The following PIP4K2A variants were observed in gnomAD, a reference collection of about 807,000 sequenced individuals.
PIP4K2A encodes the protein phosphatidylinositol 5-phosphate 4-kinase type-2 alpha.
A neutral mutation model predicts 42.9 loss-of-function variants in PIP4K2A; 14 were observed. That is an observed-to-expected ratio of 0.33 (90% CI 0.22 to 0.51). PIP4K2A has a LOEUF of 0.51. PIP4K2A is among the 20% of genes least tolerant of loss of function. PIP4K2A has a pLI of 0.97. For synonymous variants in PIP4K2A, 192 were observed against 192.2 expected (o/e 1.00, Z 0.01); for missense variants, 434 against 519.8 (o/e 0.83, Z 1.61).
At chr10:22,703,479 T>C (rs972585905) in intron 1 of PIP4K2A, among the ~76,000 whole-genome samples, 3 of 152,090 alleles carry the variant, frequency 2.0e-5, no homozygotes, top group Admixed American at 6.5e-5. Flanking sequence ...ACTGAAGAAC[T>C]GTGGCTGCTC....
intron 1 of PIP4K2A, among the ~76,000 whole-genome samples, chr10:22,664,168 C>A (rs58316753): frequency 6.6e-5 from 2 of 30,210 alleles, no homozygotes; most frequent in Admixed American, 4.5e-4. Context: ...TATATATATA[C>A]ATATATATAT....
At chr10:22,622,977 T>C (rs1298160468) in intron 1 of PIP4K2A, among the ~76,000 whole-genome samples, 1 of 152,172 alleles carries the variant, frequency 6.6e-6, no homozygotes, top group Non-Finnish European at 1.5e-5. Flanking sequence ...ATCATCTGCC[T>C]TGGCAGAAAC....
At chr10:22,686,311 C>A (rs1053602916) in intron 1 of PIP4K2A, among the ~76,000 whole-genome samples, 1 of 152,144 alleles carries the variant, frequency 6.6e-6, no homozygotes, top group African/African-American at 2.4e-5. Flanking sequence ...TTAACTAAAC[C>A]CCACAAACCA....
At chr10:22,565,730 T>G (rs1181494363) in intron 6 of PIP4K2A, among the ~76,000 whole-genome samples, 1 of 152,192 alleles carries the variant, frequency 6.6e-6, no homozygotes, top group African/African-American at 2.4e-5. Context: ...AGAGCCATAT[T>G]TCTCTTCTTT....
At chr10:22,548,197 C>G (rs977208923) in intron 7 of PIP4K2A, among the ~76,000 whole-genome samples, 4 of 152,196 alleles carry the variant, frequency 2.6e-5, no homozygotes, top group Non-Finnish European at 5.9e-5. Flanking sequence ...AATTTCAAAA[C>G]TAAAGACACT....
intron 1 of PIP4K2A, among the ~76,000 whole-genome samples, chr10:22,650,217 G>A (rs567328016): frequency 2.0e-5 from 3 of 152,296 alleles, no homozygotes; most frequent in Middle Eastern, 3.4e-3. Flanking sequence ...AAGCAGGTGT[G>A]AAGGTTTTAC....
chr10:22,602,403 A>AAAAAG (rs551858669), intron 3 of PIP4K2A, among the ~76,000 whole-genome samples: 9 of 151,714 alleles, frequency 5.9e-5, no homozygotes, highest in Middle Eastern at 3.4e-3. Flanking sequence ...ATAAAAAAAA[A>AAAAAG]AAAAGAAAAG....
rs559866684 is a variant in PIP4K2A at position 22,709,478 on chromosome 10, C to G, written c.144+4705G>C. On this transcript the variant is annotated intron_variant, in intron 1 of 9. Coordinates refer to ENST00000376573, the MANE Select transcript of PIP4K2A (RefSeq NM_005028.5). Reference sequence around the variant, plus strand: ...CCCTTCAATTCCAAAATTTGTATTTCGAAGGCTATGCTGGCAGAATTAATT... The same window carrying G: ...CCCTTCAATTCCAAAATTTGTATTTGGAAGGCTATGCTGGCAGAATTAATT... 1.9e-3 allele frequency among the ~76,000 whole-genome samples: 294 copies of G among 152,210 alleles called. 1 individual carries two copies. The highest frequency in any genetic ancestry group is 1.9e-3 in the Non-Finnish European group (130 of 68,010).
chr10:22,565,597 C>T (rs1277137854), intron 6 of PIP4K2A, among the ~76,000 whole-genome samples: 1 of 152,120 alleles, frequency 6.6e-6, no homozygotes, highest in Non-Finnish European at 1.5e-5. Context: ...ACAAATTGTA[C>T]AGCATGTGTG....
chr10:22,694,733 A>AT (rs1333380646), intron 1 of PIP4K2A: 6 of 152,234 alleles, frequency 3.9e-5, no homozygotes, highest in African/African-American at 1.4e-4. Flanking sequence ...TACAGAAAGT[A>AT]TTTTGAAAAG....
At chr10:22,670,469 T>C (rs1395369658) in intron 1 of PIP4K2A, among the ~76,000 whole-genome samples, 2 of 152,108 alleles carry the variant, frequency 1.3e-5, no homozygotes, top group East Asian at 3.8e-4. Flanking sequence ...TTCTATGGGG[T>C]GTTCACTACA....
intron 1 of PIP4K2A, chr10:22,691,545 C>T (rs543666513): frequency 1.3e-5 from 2 of 152,158 alleles, no homozygotes; most frequent in Non-Finnish European, 2.9e-5. Context: ...ATCATAAAAT[C>T]TAAGTCCTCA....
chr10:22,609,197 A>G (rs1837977843), intron 2 of PIP4K2A, among the ~76,000 whole-genome samples: 1 of 152,226 alleles, frequency 6.6e-6, no homozygotes, highest in African/African-American at 2.4e-5. Context: ...AATGTTATCA[A>G]TGCCCAACAT....
At chr10:22,652,485 G>C (rs140310565) in intron 1 of PIP4K2A, among the ~76,000 whole-genome samples, 1 of 152,218 alleles carries the variant, frequency 6.6e-6, no homozygotes, top group Non-Finnish European at 1.5e-5. Context: ...GACATTTTGA[G>C]ACATCTCCCT....
Position 22,609,476 on chromosome 10 carries a change from C to G in PIP4K2A, c.242+144G>C, listed in dbSNP as rs928911891. 18 of 636,086 alleles carry G rather than the reference C, an allele frequency of 2.8e-5. No individual in the cohort carries two copies. The Admixed American group carries it at 5.2e-4, about 18-fold the overall frequency. The allele number at this position is 636,086 out of a possible 1,614,324, so 39.4% of individuals were successfully genotyped here. ...CCTGCTGTTGCTTCTCTAAAAATGA[C>G]AGATGGTTATGTTTATCACAGGATT... On this transcript the variant is annotated intron_variant, in intron 2 of 9. Coordinates refer to ENST00000376573, the MANE Select transcript of PIP4K2A (RefSeq NM_005028.5).
intron 8 of PIP4K2A, among the ~76,000 whole-genome samples, chr10:22,541,564 C>T (rs942881807): frequency 1.3e-5 from 2 of 152,056 alleles, no homozygotes; most frequent in Non-Finnish European, 1.5e-5. Context: ...TAGTATAGTT[C>T]GTGGTTTTGC....
At chr10:22,611,613 C>G (rs147798131) in intron 1 of PIP4K2A, among the ~76,000 whole-genome samples, 2 of 152,120 alleles carry the variant, frequency 1.3e-5, no homozygotes, top group Admixed American at 1.3e-4. Context: ...ACCCACTGAA[C>G]AAAAACAGGA....
At chr10:22,691,599 T>C (rs1353646060) in intron 1 of PIP4K2A, 1 of 152,186 alleles carries the variant, frequency 6.6e-6, no homozygotes, top group African/African-American at 2.4e-5. Context: ...CATTTAAAAT[T>C]CATTTCTGTA....
chr10:22,642,207 C>T (rs968280321), intron 1 of PIP4K2A: 3 of 152,202 alleles, frequency 2.0e-5, no homozygotes, highest in East Asian at 3.9e-4. Flanking sequence ...AATGCACCCT[C>T]GGATCCTGGA....
Sources: allele counts gnomAD v4.1 joint callset (sites outside exome capture counted in the v4.1 genomes callset), GRCh38; gene constraint gnomAD v4.1.1; transcripts MANE v1.5; gene names NCBI Gene and HGNC (gene_info 2026-07-23, HGNC 2026-07-21).